RICTOR: variants seen among roughly 807,000 people sequenced by gnomAD.
RICTOR encodes the protein RPTOR independent companion of MTOR complex 2.
RICTOR carries 49 observed loss-of-function variants against 214.9 expected under a neutral mutation model. That is an observed-to-expected ratio of 0.23 (90% confidence interval 0.18 to 0.29). The LOEUF (loss-of-function observed/expected upper bound fraction) is 0.29, where lower values mean the gene tolerates loss of function less well. RICTOR is among the 10% of genes least tolerant of loss of function. RICTOR has a pLI of 1.00. For missense variants in RICTOR, 1,625 were observed against 2,047.0 expected (o/e 0.79, Z 3.98); for synonymous variants, 717 against 711.3 (o/e 1.01, Z -0.13).
intron 2 of RICTOR, among the ~76,000 whole-genome samples, chr5:39,071,422 T>C (rs1759314986): frequency 2.0e-5 from 3 of 152,214 alleles, no homozygotes; most frequent in African/African-American, 7.2e-5. Flanking sequence ...GTTTAAAGTA[T>C]TTTTAATGTG....
At chr5:38,946,724 T>C (rs1748248511) in intron 32 of RICTOR, among the ~76,000 whole-genome samples, 172 bp from the exon 33 acceptor site, 1 of 152,112 alleles carries the variant, frequency 6.6e-6, no homozygotes, top group Non-Finnish European at 1.5e-5. Context: ...ACCCAAAAAG[T>C]CCTTATTATA....
chr5:39,042,306 AAAT>A (rs1398580690), intron 2 of RICTOR, among the ~76,000 whole-genome samples: 3 of 152,188 alleles, frequency 2.0e-5, no homozygotes, highest in African/African-American at 4.8e-5. Flanking sequence ...ACTGACACAA[AAAT>A]AATAATTACT....
intron 2 of RICTOR, among the ~76,000 whole-genome samples, chr5:39,026,334 C>A (rs571966779): frequency 7.2e-5 from 11 of 152,022 alleles, no homozygotes; most frequent in African/African-American, 2.2e-4. Context: ...ACAGACAGTG[C>A]AAGACCCTGT....
chr5:39,044,470 T>C (rs939398613), intron 2 of RICTOR, among the ~76,000 whole-genome samples: 4 of 152,042 alleles, frequency 2.6e-5, no homozygotes, highest in African/African-American at 9.7e-5. Context: ...ATCTTATGAG[T>C]AGTTATAATA....
Position 38,946,569 on chromosome 5 carries a change from A to T in RICTOR, c.4315-17T>A, listed in dbSNP as rs1748227479. 1 of 1,480,454 alleles carries T rather than the reference A, an allele frequency of 6.8e-7. No homozygotes were observed. 91.7% of individuals were successfully genotyped at this position (1,480,454 alleles called of 1,614,324 possible). ...ATCCTTTACCTAAAAAAAGATATAAACCATGGTAAGTCCTGCTATAAAAAT... is the reference window on the plus strand; with the variant it reads ...ATCCTTTACCTAAAAAAAGATATAATCCATGGTAAGTCCTGCTATAAAAAT... On this transcript the variant is annotated splice_polypyrimidine_tract_variant and intron_variant, in intron 32 of 37. Coordinates refer to ENST00000357387, the MANE Select transcript of RICTOR (RefSeq NM_152756.5).
rs963546539 is a variant in RICTOR at position 38,962,914 on chromosome 5, G to C, written c.1528C>G (p.Gln510Glu). ...ATATCTTTCTGAACTCGGAGATACT[G>C]ATCCCGTTTCTGGTGTGTTGCAATT... ...KAIATHQKRDQYLRVQKDIFI... is the reference protein window; with the variant it reads ...KAIATHQKRDEYLRVQKDIFI... Residue 510 changes from glutamine (Q) to glutamate (E), a missense_variant, in exon 17 of 38, where the codon CAG becomes GAG. Gln to Glu is a conservative substitution (Grantham distance 29). This residue lies in a region of RICTOR where 1,214 missense variants were observed against 1,470.5 expected (regional missense o/e 0.83). Coordinates refer to ENST00000357387, the MANE Select transcript of RICTOR (RefSeq NM_152756.5). 6.2e-7 allele frequency: 1 copy of C among 1,612,858 alleles called. No homozygotes were observed. The highest frequency in any genetic ancestry group is 1.3e-5 in the African/African-American group (1 of 74,988).
rs1441749340 is a variant in RICTOR, at chr5:38,978,320, T to C, written c.821+263A>G. On this transcript the variant is annotated intron_variant, in intron 9 of 37. Coordinates refer to ENST00000357387, the MANE Select transcript of RICTOR (RefSeq NM_152756.5). ...TTTTAAATGTAATTATGCTAAAATA[T>C]ATACATTACAAAAACAATGACCTTG... is the stretch of plus-strand genomic sequence containing the variant. 2.6e-5 allele frequency among the ~76,000 whole-genome samples: 4 copies of C among 152,280 alleles called. No individual in the cohort carries two copies. In the East Asian group the frequency reaches 7.7e-4, roughly 29 times the overall value.
chr5:38,990,734 A>ATGATATATC (rs1752654122), intron 7 of RICTOR, among the ~76,000 whole-genome samples: 5 of 5,110 alleles, frequency 9.8e-4, no homozygotes, highest in South Asian at 9.9e-3. Flanking sequence ...TATCATATAT[A>ATGATATATC]TGATATATAT....
chr5:38,982,171 A>C, intron 7 of RICTOR, 135 bp from the exon 8 acceptor site: 1 of 612,690 alleles, frequency 1.6e-6, no homozygotes, highest in Non-Finnish European at 2.9e-6. Context: ...CAGGTAGATA[A>C]AAGGACAAGT....
intron 19 of RICTOR, among the ~76,000 whole-genome samples, chr5:38,960,964 C>T (rs1749746040): frequency 6.6e-6 from 1 of 151,970 alleles, no homozygotes; most frequent in African/African-American, 2.4e-5. Flanking sequence ...GCCTCCCTAG[C>T]CATGTGGAAT....
chr5:38,954,959 T>A, intron 26 of RICTOR, 98 bp from the exon 27 acceptor site: 1 of 581,644 alleles, frequency 1.7e-6, no homozygotes. Flanking sequence ...TAAAATTAGA[T>A]ACAACTCTCC....
chr5:39,072,140 C>A (rs1344499134), intron 2 of RICTOR, among the ~76,000 whole-genome samples: 2 of 152,130 alleles, frequency 1.3e-5, no homozygotes, highest in Non-Finnish European at 2.9e-5. Context: ...TTTTTGCAAT[C>A]AGTTTTAAAT....
chr5:39,069,591 G>C (rs1204125138), intron 2 of RICTOR, among the ~76,000 whole-genome samples: 2 of 152,272 alleles, frequency 1.3e-5, no homozygotes, highest in South Asian at 4.2e-4. Context: ...TTTTAATAAA[G>C]AAATAAAATT....
intron 2 of RICTOR, among the ~76,000 whole-genome samples, chr5:39,045,727 T>C (rs551788549): frequency 3.3e-4 from 51 of 152,280 alleles, no homozygotes; most frequent in Middle Eastern, 6.8e-3. Context: ...TCTGCTTTTC[T>C]CTATGAAACA....
At position 38,959,271 on chromosome 5, in the gene RICTOR, G is replaced by A. The variant is rs774095091; in HGVS notation, c.2102C>T (p.Thr701Ile). 1 of 1,595,528 alleles carries A rather than the reference G, an allele frequency of 6.3e-7. No individual in the cohort carries two copies. Among genetic ancestry groups the A allele is most frequent in the South Asian group, 1.1e-5 (1 of 87,782 alleles). Residue 701 changes from threonine to isoleucine, a missense_variant, in exon 22 of 38, where the codon ACT becomes ATT. Physicochemically the swap from Thr to Ile is moderately conservative, Grantham distance 89 (BLOSUM62 -1). Coordinates refer to ENST00000357387, the MANE Select transcript of RICTOR (RefSeq NM_152756.5). Reference protein sequence around the residue: ...LKNQDHLLKLTVSSLDYSRDG... With the variant: ...LKNQDHLLKLIVSSLDYSRDG... ...TCTGCTATAGTCCAAGCTAGAAACA[G>A]TAAGTTTTAGCAAGTGATCTTGGTT...
At chr5:39,021,223 A>C in intron 2 of RICTOR, 87 bp from the exon 3 acceptor site, 1 of 782,554 alleles carries the variant, frequency 1.3e-6, no homozygotes, top group Non-Finnish European at 2.3e-6. Flanking sequence ...AAAACTTCAC[A>C]ACTTTGGCTC....
chr5:39,009,703 A>C (rs866575009), intron 3 of RICTOR, among the ~76,000 whole-genome samples: 2 of 152,042 alleles, frequency 1.3e-5, no homozygotes, highest in Non-Finnish European at 1.5e-5. Context: ...AACCTTTTGA[A>C]TTAGAATTAT....
At chr5:39,022,967 A>G (rs1755542311) in intron 2 of RICTOR, among the ~76,000 whole-genome samples, 1 of 152,220 alleles carries the variant, frequency 6.6e-6, no homozygotes, top group South Asian at 2.1e-4. Flanking sequence ...AAAACAATAA[A>G]CCAATAAAAT....
intron 19 of RICTOR, 58 bp from the exon 20 acceptor site, chr5:38,960,591 T>A: frequency 2.6e-6 from 4 of 1,544,120 alleles, no homozygotes; most frequent in Non-Finnish European, 3.6e-6. Context: ...TTTTAGAATC[T>A]TAACCATTAC....
Sources: gnomAD v4.1 joint callset for allele counts (sites outside exome capture counted in the v4.1 genomes callset) on GRCh38, gnomAD v4.1.1 for gene constraint, gnomAD v4.1.1 regional missense constraint, MANE v1.5 for transcripts, NCBI Gene and HGNC (gene_info 2026-07-23, HGNC 2026-07-21) for gene names.